NUP98: variants seen among roughly 807,000 people sequenced by gnomAD.
The protein encoded by NUP98 is nucleoporin 98 and 96 precursor.
A neutral mutation model predicts 191.9 loss-of-function variants in NUP98; 26 were observed. That is an observed-to-expected ratio of 0.14 (90% CI 0.10 to 0.19). The LOEUF is 0.19. NUP98 is among the 10% of genes least tolerant of loss of function. NUP98 has a pLI of 1.00. For missense variants in NUP98, 1,941 were observed against 2,178.8 expected (o/e 0.89, Z 2.17); for synonymous variants, 808 against 778.4 (o/e 1.04, Z -0.63).
chr11:3,759,705 T>C (rs1435723063), intron 10 of NUP98, among the ~76,000 whole-genome samples: 1 of 152,228 alleles, frequency 6.6e-6, no homozygotes, highest in Non-Finnish European at 1.5e-5. Context: ...CAATCTTTTC[T>C]GTATTTTCCA....
At chr11:3,741,813 A>T (rs2080295619) in intron 12 of NUP98, among the ~76,000 whole-genome samples, 1 of 152,230 alleles carries the variant, frequency 6.6e-6, no homozygotes, top group Non-Finnish European at 1.5e-5. Context: ...CAAGAGCATT[A>T]GACCATCAGT....
chr11:3,676,937 A>G (rs1241339384), intron 31 of NUP98, among the ~76,000 whole-genome samples: 1 of 152,210 alleles, frequency 6.6e-6, no homozygotes, highest in African/African-American at 2.4e-5. Context: ...TATGACTTCT[A>G]AAGAGCACAC....
intron 14 of NUP98, among the ~76,000 whole-genome samples, chr11:3,728,641 A>T (rs1052173986): frequency 2.0e-5 from 3 of 152,138 alleles, no homozygotes; most frequent in African/African-American, 4.8e-5. Flanking sequence ...TGGGAGTCTG[A>T]AGCAGGAGAG....
chr11:3,767,913 G>C lies in NUP98; in HGVS notation c.948+668C>G, dbSNP rs546868099. 2.0e-5 allele frequency among the ~76,000 whole-genome samples: 3 copies of C among 152,102 alleles called. No individual in the cohort carries two copies. The South Asian group carries it at 6.2e-4, about 32-fold the overall frequency. On this transcript the variant is annotated intron_variant, in intron 8 of 32. Transcript: ENST00000324932. ...GTTGTTGGCTATATTCTGAAATATA[G>C]TCAGTAATGAATAAGTATTTTCTCC...
rs1220356638 is a variant in NUP98 at position 3,726,939 on chromosome 11, A to AT, written c.1731-1721dup. On this transcript the variant is annotated intron_variant, in intron 14 of 32. Transcript: ENST00000324932. ...ATCATGTCTGGCTAATTAAAAAAAA[A>AT]TTTTTTTTTAGAGACAAGGTCTCAT... is the stretch of plus-strand genomic sequence containing the variant. Among the ~76,000 whole-genome samples, 8 of 151,440 alleles carry AT rather than the reference A, an allele frequency of 5.3e-5. No individual in the cohort carries two copies. The South Asian group carries it at 6.3e-4, about 12-fold the overall frequency.
intron 28 of NUP98, among the ~76,000 whole-genome samples, chr11:3,688,927 C>G (rs2078219828): frequency 6.7e-6 from 1 of 149,852 alleles, no homozygotes; most frequent in Non-Finnish European, 1.5e-5. Context: ...GTAAGTATTT[C>G]TAAGGTAATG....
At chr11:3,791,370 TAAAAATACA>T (rs1303424207) in intron 1 of NUP98, among the ~76,000 whole-genome samples, 2 of 135,176 alleles carry the variant, frequency 1.5e-5, no homozygotes, top group South Asian at 2.2e-4. Context: ...TCATCTCTAC[TAAAAATACA>T]AAAAATTAGC....
chr11:3,791,407 G>A (rs1423678517), intron 1 of NUP98, among the ~76,000 whole-genome samples: 1 of 151,424 alleles, frequency 6.6e-6, no homozygotes, highest in Non-Finnish European at 1.5e-5. Context: ...GGTGGTGGAC[G>A]CCTGTAATCC....
intron 25 of NUP98, among the ~76,000 whole-genome samples, chr11:3,698,725 C>CAA (rs549214359): frequency 0.066 from 2,362 of 35,752 alleles, 499 homozygotes; most frequent in African/African-American, 0.23. Context: ...GAAACTGTCT[C>CAA]AAAAAAAAAA....
Position 3,775,916 on chromosome 11 carries a change from G to A in NUP98, c.461C>T (p.Thr154Ile). Reference sequence around the variant, plus strand: ...AATAGTAGTCCCAGTAGGAGCAGCTGTAAAACTACTTGGCCCAAAGAGGGA... The same window carrying A: ...AATAGTAGTCCCAGTAGGAGCAGCTATAAAACTACTTGGCCCAAAGAGGGA... ...SGSLFGPSSF[T>I]AAPTGTTIKF... The change falls in exon 5 of 33, where the codon ACA becomes ATA. Residue 154 changes from threonine to isoleucine, a missense_variant. Physicochemically the swap from Thr to Ile is moderately conservative, Grantham distance 89. Transcript: ENST00000324932. The A allele has an allele frequency of 1.2e-6, 2 of 1,613,844 alleles. No individual in the cohort carries two copies. Among genetic ancestry groups the A allele is most frequent in the Non-Finnish European group, 1.7e-6 (2 of 1,179,792 alleles).
At chr11:3,701,111 TA>T (rs1487506024) in intron 23 of NUP98, among the ~76,000 whole-genome samples, 51 of 152,314 alleles carry the variant, frequency 3.3e-4, no homozygotes, top group African/African-American at 1.2e-3. Flanking sequence ...TAGAACTGGC[TA>T]AAACTCAAGG....
At chr11:3,794,677 T>C (rs1054357443) in intron 1 of NUP98, among the ~76,000 whole-genome samples, 8 of 152,162 alleles carry the variant, frequency 5.3e-5, no homozygotes, top group African/African-American at 1.9e-4. Context: ...AAAGCAGTGG[T>C]GCAATCACAG....
chr11:3,777,286 G>A (rs1174853593), intron 4 of NUP98, among the ~76,000 whole-genome samples: 1 of 152,128 alleles, frequency 6.6e-6, no homozygotes, highest in African/African-American at 2.4e-5. Flanking sequence ...GAATTTAATT[G>A]TTGCTAAGGA....
At chr11:3,695,631 G>C in intron 25 of NUP98, 25 bp from the exon 26 acceptor site, 1 of 1,516,768 alleles carries the variant, frequency 6.6e-7, no homozygotes, top group Non-Finnish European at 8.8e-7. Context: ...GAAGTTTTTT[G>C]GTTATTACTA....
intron 28 of NUP98, among the ~76,000 whole-genome samples, chr11:3,689,750 C>G (rs1392060113): frequency 1.3e-5 from 2 of 151,956 alleles, no homozygotes; most frequent in Non-Finnish European, 2.9e-5. Flanking sequence ...AGGTGATCCT[C>G]CACCCTCAGC....
Position 3,699,265 on chromosome 11 carries a change from G to A in NUP98, c.3826C>T (p.Pro1276Ser), listed in dbSNP as rs1377353842. ...TCCAGAATTTGAATGTATTCACGGG[G>A]TTCATTTAGCTGGCTGTCAAGCTCC... ...LKELDSQLNE[P>S]REYIQILERR... Residue 1276 changes from proline (P) to serine (S), a missense_variant, in exon 25 of 33, where the codon CCC becomes TCC. By Grantham distance (74) the Pro-to-Ser change is moderately conservative. Coordinates refer to ENST00000324932, the MANE Select transcript of NUP98 (RefSeq NM_016320.5). 3.1e-6 allele frequency: 5 copies of A among 1,614,178 alleles called. No homozygotes were observed. In the Admixed American group the frequency reaches 5.0e-5, roughly 16 times the overall value.
chr11:3,785,898 A>G (rs555941935), intron 1 of NUP98, among the ~76,000 whole-genome samples: 5 of 152,316 alleles, frequency 3.3e-5, no homozygotes, highest in Admixed American at 1.3e-4. Context: ...AAACCCATTA[A>G]AGTTTAAAGG....
intron 31 of NUP98, 104 bp downstream of exon 31, chr11:3,679,450 C>CTT: frequency 2.3e-6 from 3 of 1,288,530 alleles, no homozygotes; most frequent in Non-Finnish European, 3.4e-6. Context: ...AGTGCTATCT[C>CTT]TGTCAGTGCA....
chr11:3,700,268 C>CAAAAA (rs35824298), intron 24 of NUP98, among the ~76,000 whole-genome samples: 2 of 93,392 alleles, frequency 2.1e-5, no homozygotes, highest in African/African-American at 4.0e-5. Context: ...GACTCCGTCT[C>CAAAAA]AAAAAAAAAA....
Sources: gnomAD v4.1 joint callset for allele counts (sites outside exome capture counted in the v4.1 genomes callset) on GRCh38, gnomAD v4.1.1 for gene constraint, MANE v1.5 for transcripts, NCBI Gene and HGNC (gene_info 2026-07-23, HGNC 2026-07-21) for gene names.